The following EML5 variants were observed in gnomAD, a reference collection of about 807,000 sequenced individuals.
The protein encoded by EML5 is EMAP like 5.
EML5 carries 120 observed loss-of-function variants against 250.0 expected under a neutral mutation model. The observed-to-expected ratio is 0.48, with a 90% CI of 0.41 to 0.56. EML5 has a LOEUF of 0.56. EML5 is among the 20% of genes least tolerant of loss of function. The pLI is 0.00. For missense variants in EML5, 2,006 were observed against 2,437.6 expected (o/e 0.82, Z 3.73); for synonymous variants, 771 against 806.5 (o/e 0.96, Z 0.75).
chr14:88,752,390 A>T (rs1648629574), intron 2 of EML5, among the ~76,000 whole-genome samples: 1 of 152,208 alleles, frequency 6.6e-6, no homozygotes, highest in African/African-American at 2.4e-5. Flanking sequence ...TTATGCTATG[A>T]AATAGGTATT....
chr14:88,748,139 A>T (rs193203748), intron 2 of EML5, among the ~76,000 whole-genome samples: 106 of 152,310 alleles, frequency 7.0e-4, no homozygotes, highest in African/African-American at 2.4e-3. Context: ...AGAGGACAAG[A>T]TGCCTAGAAT....
chr14:88,782,531 T>C (rs980651327), intron 1 of EML5, among the ~76,000 whole-genome samples: 6 of 152,098 alleles, frequency 3.9e-5, no homozygotes, highest in African/African-American at 1.2e-4. Flanking sequence ...CATCACAGGC[T>C]CGGAGGCCTC....
intron 2 of EML5, among the ~76,000 whole-genome samples, chr14:88,752,204 T>C (rs963328216): frequency 1.3e-5 from 2 of 152,168 alleles, no homozygotes; most frequent in Non-Finnish European, 2.9e-5. Flanking sequence ...CTTGGATATA[T>C]AGAAGAAATT....
intron 21 of EML5, among the ~76,000 whole-genome samples, chr14:88,672,052 T>C (rs2092476897): frequency 6.6e-6 from 1 of 152,178 alleles, no homozygotes; most frequent in African/African-American, 2.4e-5. Flanking sequence ...CAAGCGGACC[T>C]GATAGATATC....
intron 14 of EML5, among the ~76,000 whole-genome samples, chr14:88,702,065 A>T (rs750377063): frequency 6.6e-6 from 1 of 152,170 alleles, no homozygotes; most frequent in Non-Finnish European, 1.5e-5. Flanking sequence ...AAAGAGACAT[A>T]GTCCTTTGGT....
intron 30 of EML5, among the ~76,000 whole-genome samples, chr14:88,643,625 A>G (rs748875600): frequency 6.6e-6 from 1 of 152,236 alleles, no homozygotes; most frequent in Admixed American, 6.5e-5. Flanking sequence ...TGTGTCCAAA[A>G]GAAGAAAATT....
chr14:88,756,980 C>A (rs542092227), intron 1 of EML5, among the ~76,000 whole-genome samples: 1 of 152,258 alleles, frequency 6.6e-6, no homozygotes, highest in South Asian at 2.1e-4. Flanking sequence ...CAAGCTGATT[C>A]TAAAATCCAG....
chr14:88,640,315 T>C (rs1202213517), intron 31 of EML5, among the ~76,000 whole-genome samples: 1 of 152,108 alleles, frequency 6.6e-6, no homozygotes, highest in Admixed American at 6.6e-5. Flanking sequence ...ATAAAGCAAG[T>C]CTCAATAAAT....
intron 43 of EML5, 32 bp downstream of exon 43, chr14:88,616,104 ACATAGT>A (rs773400194): frequency 3.8e-6 from 6 of 1,598,338 alleles, no homozygotes; most frequent in Non-Finnish European, 4.3e-6. Flanking sequence ...TTAACTAGTA[ACATAGT>A]CTGCTCTTCA....
rs371530099 is a variant in EML5, at chr14:88,657,519, C to A, written c.3878-17G>T. Reference sequence around the variant, plus strand: ...TGTCATAGCCTACAATAAAAATATACGAGTAATTCTTTAAGCAATAACTGA... The same window carrying A: ...TGTCATAGCCTACAATAAAAATATAAGAGTAATTCTTTAAGCAATAACTGA... On this transcript the variant is annotated splice_polypyrimidine_tract_variant and intron_variant, in intron 26 of 43. Transcript: ENST00000554922. 2.5e-6 allele frequency: 4 copies of A among 1,572,916 alleles called. No individual in the cohort carries two copies. Among genetic ancestry groups the A allele is most frequent in the Non-Finnish European group, 3.4e-6 (4 of 1,160,874 alleles).
rs2093317159 is a variant in EML5 at position 88,706,334 on chromosome 14, C to T, written c.1750G>A (p.Ala584Thr). 1.9e-6 allele frequency: 3 copies of T among 1,610,608 alleles called. No individual in the cohort carries two copies. In the South Asian group the frequency reaches 3.3e-5, roughly 18 times the overall value. ...DYQWVISIGG[A>T]DHSVFQWKFI... ...TTCCACTGAAAGACAGAGTGATCTG[C>T]TCCACCAATAGAAATAACCCACTGA... The change falls in exon 11 of 44, where the codon GCA becomes ACA. Residue 584 changes from alanine to threonine, a missense_variant. Coordinates refer to ENST00000554922, the MANE Select transcript of EML5 (RefSeq NM_183387.3).
At chr14:88,722,808 C>T (rs1056272005) in intron 8 of EML5, among the ~76,000 whole-genome samples, 1 of 152,042 alleles carries the variant, frequency 6.6e-6, no homozygotes, top group Non-Finnish European at 1.5e-5. Context: ...GGGTTAATAC[C>T]TAGGTGATGG....
chr14:88,692,090 A>G (rs2092971250), intron 17 of EML5, among the ~76,000 whole-genome samples: 1 of 152,112 alleles, frequency 6.6e-6, no homozygotes, highest in African/African-American at 2.4e-5. Flanking sequence ...TTTAAAAAGG[A>G]TGGGCTGGGC....
chr14:88,734,786 C>A lies in EML5; in HGVS notation c.1049+1578G>T, dbSNP rs150529684. Among the ~76,000 whole-genome samples the A allele has an allele frequency of 3.2e-4, 48 of 152,152 alleles. 1 individual carries two copies. In the East Asian group the frequency reaches 4.4e-3, roughly 14 times the overall value. On this transcript the variant is annotated intron_variant, in intron 7 of 43. Coordinates refer to ENST00000554922, the MANE Select transcript of EML5 (RefSeq NM_183387.3). ...GGAACACAGACTATGTTAAAATACA[C>A]TATGGGTATGCAATTAGCCAAATCC...
At chr14:88,650,381 G>A (rs566041388) in intron 27 of EML5, among the ~76,000 whole-genome samples, 141 of 152,240 alleles carry the variant, frequency 9.3e-4, no homozygotes, top group African/African-American at 3.2e-3. Context: ...TTGAACCCAG[G>A]AGTTGGAGGT....
intron 24 of EML5, among the ~76,000 whole-genome samples, chr14:88,662,328 C>T (rs1190648363): frequency 7.6e-5 from 8 of 104,830 alleles, no homozygotes; most frequent in Admixed American, 6.2e-4. Flanking sequence ...AAATGCAACA[C>T]AATTTTTCTT....
At chr14:88,705,043 C>A in intron 12 of EML5, 65 bp from the exon 13 acceptor site, 2 of 1,028,722 alleles carry the variant, frequency 1.9e-6, no homozygotes, top group South Asian at 1.7e-5. Flanking sequence ...TTCGTATACT[C>A]CCAATATAAC....
chr14:88,660,162 G>T (rs1176470740), intron 25 of EML5, among the ~76,000 whole-genome samples: 3 of 151,438 alleles, frequency 2.0e-5, no homozygotes, highest in African/African-American at 7.3e-5. Flanking sequence ...ATGTGCCTGT[G>T]GTCCCAGTTA....
At chr14:88,759,520 C>T (rs1440522915) in intron 1 of EML5, among the ~76,000 whole-genome samples, 6 of 151,482 alleles carry the variant, frequency 4.0e-5, no homozygotes, top group Admixed American at 6.6e-5. Flanking sequence ...CCCACCTCTA[C>T]AAAAAATAAA....
Sources: gnomAD v4.1 joint callset for allele counts (sites outside exome capture counted in the v4.1 genomes callset) on GRCh38, gnomAD v4.1.1 for gene constraint, MANE v1.5 for transcripts, NCBI Gene and HGNC (gene_info 2026-07-23, HGNC 2026-07-21) for gene names.